The following ZFAT variants were observed in gnomAD, a reference collection of about 807,000 sequenced individuals.
ZFAT encodes zinc finger protein ZFAT.
A neutral mutation model predicts 117.7 loss-of-function variants in ZFAT; 64 were observed. That is an observed-to-expected ratio of 0.54 (90% CI 0.44 to 0.67). The LOEUF (loss-of-function observed/expected upper bound fraction) is 0.67. Among genes scored for constraint, ZFAT ranks in the 30% least tolerant of loss-of-function variants. ZFAT has a pLI of 0.00. For synonymous variants in ZFAT, 679 were observed against 615.0 expected, an observed-to-expected ratio of 1.10 and a Z score of -1.54; for missense variants, 1,433 against 1,584.5, an observed-to-expected ratio of 0.90 and a Z score of 1.62.
intron 8 of ZFAT, among the ~76,000 whole-genome samples, chr8:134,588,867 T>A (rs1313917143): frequency 2.6e-5 from 4 of 152,262 alleles, no homozygotes; most frequent in South Asian, 2.1e-4. Context: ...CAATAATGAA[T>A]GACAGTTGAT....
the ZFAT span, among the ~76,000 whole-genome samples, chr8:134,818,751 A>C: frequency 6.6e-6 from 1 of 152,248 alleles, no homozygotes; most frequent in East Asian, 1.9e-4. Flanking sequence ...ATACAATGGA[A>C]TACTACTTAC....
chr8:134,660,036 C>G (rs1397438174), intron 1 of ZFAT, among the ~76,000 whole-genome samples: 6 of 152,182 alleles, frequency 3.9e-5, no homozygotes, highest in African/African-American at 1.2e-4. Context: ...CGTTCTATTC[C>G]TAAGGAACCC....
At chr8:134,684,573 C>T (rs1402484578) in intron 1 of ZFAT, among the ~76,000 whole-genome samples, 2 of 152,110 alleles carry the variant, frequency 1.3e-5, no homozygotes, top group African/African-American at 4.8e-5. Context: ...GGTATTTCTC[C>T]TTGACGTTGA....
At chr8:134,618,901 T>C (rs917487772) in intron 3 of ZFAT, among the ~76,000 whole-genome samples, 3 of 152,314 alleles carry the variant, frequency 2.0e-5, no homozygotes, top group Non-Finnish European at 4.4e-5. Context: ...AGCCCTGCCC[T>C]CTGGAGTTTA....
the ZFAT span, among the ~76,000 whole-genome samples, chr8:134,780,564 T>C: frequency 2.6e-5 from 4 of 152,254 alleles, no homozygotes; most frequent in Non-Finnish European, 4.4e-5. Context: ...GTGAAACACA[T>C]GTTTAGAAGC....
chr8:134,512,182 G>A (rs1177823305), intron 14 of ZFAT, among the ~76,000 whole-genome samples: 1 of 152,232 alleles, frequency 6.6e-6, no homozygotes, highest in Non-Finnish European at 1.5e-5. Flanking sequence ...AGTGAGAATA[G>A]TCAGATCTCC....
intron 5 of ZFAT, 35 bp downstream of exon 5, chr8:134,608,694 C>T: frequency 6.3e-7 from 1 of 1,598,070 alleles, no homozygotes; most frequent in Non-Finnish European, 8.5e-7. Flanking sequence ...CACATGCAAC[C>T]TCTGGCTGAA....
intron 1 of ZFAT, among the ~76,000 whole-genome samples, chr8:134,677,733 T>A (rs1010188786): frequency 6.6e-6 from 1 of 152,098 alleles, no homozygotes; most frequent in South Asian, 2.1e-4. Flanking sequence ...CAGCAGCACA[T>A]CAAAAAGCTT....
chr8:134,590,127 A>G, intron 8 of ZFAT, 141 bp downstream of exon 8: 1 of 621,158 alleles, frequency 1.6e-6, no homozygotes, highest in Admixed American at 3.0e-5. Context: ...AGCGTCGAAT[A>G]AAGATGTTTG....
At chr8:134,540,046 C>T (rs113141806) in intron 11 of ZFAT, among the ~76,000 whole-genome samples, 1 of 152,290 alleles carries the variant, frequency 6.6e-6, no homozygotes, top group African/African-American at 2.4e-5. Flanking sequence ...ATCATAAAAC[C>T]CCATAGGTCT....
chr8:134,486,730 T>C (rs1186998827), intron 15 of ZFAT, among the ~76,000 whole-genome samples: 1 of 152,142 alleles, frequency 6.6e-6, no homozygotes, highest in African/African-American at 2.4e-5. Context: ...ACAGAGCCAC[T>C]GTCAAGATCA....
chr8:134,699,955 C>T (rs1833967025), intron 1 of ZFAT, among the ~76,000 whole-genome samples: 1 of 152,216 alleles, frequency 6.6e-6, no homozygotes, highest in African/African-American at 2.4e-5. Flanking sequence ...GCAGTGGGGC[C>T]AAGGACAGCT....
rs1184385388 is a variant in ZFAT at position 134,600,351 on chromosome 8, C to A, written c.2475+85G>T. The A allele has an allele frequency of 3.3e-6, 4 of 1,210,016 alleles. No individual in the cohort carries two copies. The African/African-American group carries it at 4.5e-5, about 14-fold the overall frequency. 75.0% of individuals were successfully genotyped at this position (1,210,016 alleles called of 1,614,324 possible). On this transcript the variant is annotated intron_variant, in intron 7 of 15. Transcript: ENST00000377838. ...CTATGTTTTCAGGGCTGACCTGCAGCAGAGACACCTACATATAAGCATAAA... is the reference window on the plus strand; with the variant it reads ...CTATGTTTTCAGGGCTGACCTGCAGAAGAGACACCTACATATAAGCATAAA...
At chr8:134,690,667 G>T (rs1028750656) in intron 1 of ZFAT, among the ~76,000 whole-genome samples, 1 of 152,154 alleles carries the variant, frequency 6.6e-6, no homozygotes, top group Non-Finnish European at 1.5e-5. Context: ...GAGACACTGG[G>T]AAAAGAAGAA....
At chr8:134,502,895 G>C (rs905080742) in intron 15 of ZFAT, among the ~76,000 whole-genome samples, 8 of 152,232 alleles carry the variant, frequency 5.3e-5, no homozygotes, top group South Asian at 4.1e-4. Context: ...CCAGCACACA[G>C]TGTGGAAGCA....
intron 1 of ZFAT, among the ~76,000 whole-genome samples, chr8:134,689,314 C>T (rs79081346): frequency 8.2e-4 from 125 of 152,358 alleles, no homozygotes; most frequent in Admixed American, 2.4e-3. Context: ...CTACTCTTGG[C>T]GCTCTGCCTA....
At chr8:134,742,104 A>G in the ZFAT span, among the ~76,000 whole-genome samples, 2 of 151,674 alleles carry the variant, frequency 1.3e-5, no homozygotes, top group African/African-American at 4.8e-5. Context: ...GCAACCTGAT[A>G]AATTTTTCTC....
At chr8:134,796,761 T>C in the ZFAT span, 468 of 152,324 alleles carry the variant, frequency 3.1e-3, no homozygotes, top group African/African-American at 0.011. Context: ...CTAGTGACTA[T>C]GAAGCACAAA....
chr8:134,518,358 C>T (rs1820396780), intron 13 of ZFAT, among the ~76,000 whole-genome samples: 1 of 152,172 alleles, frequency 6.6e-6, no homozygotes, highest in African/African-American at 2.4e-5. Flanking sequence ...TTGCTATTCT[C>T]TTCATAAGGC....
Sources: allele counts gnomAD v4.1 joint callset (sites outside exome capture counted in the v4.1 genomes callset), GRCh38; gene constraint gnomAD v4.1.1; transcripts MANE v1.5; gene names NCBI Gene and HGNC (gene_info 2026-07-23, HGNC 2026-07-21).